Variants in NRCAM observed in about 807,000 individuals in gnomAD.
NRCAM encodes the protein neuronal cell adhesion molecule, also known as NgCAM-related cell adhesion molecule.
Under a neutral mutation model 156.5 loss-of-function variants are expected in NRCAM, and 83 were observed. The observed-to-expected ratio is 0.53, with a 90% CI of 0.44 to 0.64. NRCAM has a LOEUF of 0.64. NRCAM is among the 30% of genes least tolerant of loss of function. The pLI is 0.00. For missense variants in NRCAM, 1,417 were observed against 1,597.3 expected (o/e 0.89, Z 1.92); for synonymous variants, 538 against 563.9 (o/e 0.95, Z 0.65).
chr7:108,278,283 A>AG (rs1294705509), intron 3 of NRCAM, among the ~76,000 whole-genome samples: 1 of 152,224 alleles, frequency 6.6e-6, no homozygotes, highest in Admixed American at 6.5e-5. Flanking sequence ...GCTGTCAGGC[A>AG]GGGACGTTTA....
At chr7:108,199,732 G>T (rs979140767) in intron 13 of NRCAM, among the ~76,000 whole-genome samples, 2 of 152,128 alleles carry the variant, frequency 1.3e-5, no homozygotes, top group Non-Finnish European at 2.9e-5. Flanking sequence ...GATAGTCCAG[G>T]ATAACCTCCC....
At chr7:108,257,442 C>G (rs1255672463) in intron 3 of NRCAM, among the ~76,000 whole-genome samples, 1 of 152,084 alleles carries the variant, frequency 6.6e-6, no homozygotes, top group East Asian at 1.9e-4. Flanking sequence ...AGCCTTTGCC[C>G]CGGGTAAGTG....
intron 1 of NRCAM, among the ~76,000 whole-genome samples, chr7:108,450,903 T>A (rs866957823): frequency 6.6e-6 from 1 of 152,162 alleles, no homozygotes; most frequent in East Asian, 1.9e-4. Flanking sequence ...TCAGAATATA[T>A]AGATATTAAT....
intron 23 of NRCAM, among the ~76,000 whole-genome samples, chr7:108,182,351 A>C (rs1586825133): frequency 6.6e-6 from 1 of 151,848 alleles, no homozygotes; most frequent in East Asian, 1.9e-4. Flanking sequence ...AAGATGGAAA[A>C]CACAGTATTC....
At chr7:108,354,799 CAGG>C (rs1453747273) in intron 2 of NRCAM, among the ~76,000 whole-genome samples, 2 of 151,794 alleles carry the variant, frequency 1.3e-5, no homozygotes, top group African/African-American at 4.8e-5. Context: ...GAGGCAGAGG[CAGG>C]AGAATCGCTT....
chr7:108,275,348 G>C (rs1378827067), intron 3 of NRCAM, among the ~76,000 whole-genome samples: 3 of 152,140 alleles, frequency 2.0e-5, no homozygotes, highest in African/African-American at 7.2e-5. Flanking sequence ...GTAGAATTCA[G>C]CTGGGAATCC....
rs1417708551 is a variant in NRCAM at position 108,147,841 on chromosome 7, C to G, written c.*2069G>C. 1 of 152,610 alleles carries G rather than the reference C, an allele frequency of 6.6e-6. No homozygotes were observed. The highest frequency in any genetic ancestry group is 1.5e-5 in the Non-Finnish European group (1 of 68,044). 9.5% of individuals were successfully genotyped at this position (152,610 alleles called of 1,614,324 possible). On this transcript the variant is annotated 3_prime_UTR_variant, in exon 33 of 33. Coordinates refer to ENST00000379028, the MANE Select transcript of NRCAM (RefSeq NM_001037132.4). ...TGCACTATTACAGAAGTGACCCTTTCATGCACAGATAAATTTCGCATCTAC... is the reference window on the plus strand; with the variant it reads ...TGCACTATTACAGAAGTGACCCTTTGATGCACAGATAAATTTCGCATCTAC...
chr7:108,216,546 C>G (rs937020472), intron 11 of NRCAM, among the ~76,000 whole-genome samples: 2 of 152,210 alleles, frequency 1.3e-5, no homozygotes, highest in Non-Finnish European at 2.9e-5. Context: ...CTTTCAGGTA[C>G]ACCAATCAAA....
At chr7:108,366,045 AG>A (rs1485453654) in intron 2 of NRCAM, among the ~76,000 whole-genome samples, 1 of 152,128 alleles carries the variant, frequency 6.6e-6, no homozygotes, top group East Asian at 1.9e-4. Flanking sequence ...GGCTTGAAGG[AG>A]TGGGCTTGTT....
chr7:108,157,067 G>T (rs1248090589), intron 32 of NRCAM, among the ~76,000 whole-genome samples: 2 of 151,970 alleles, frequency 1.3e-5, no homozygotes, highest in Non-Finnish European at 2.9e-5. Flanking sequence ...TTTGCTTGTG[G>T]GATTGTCCTT....
At chr7:108,185,720 A>AAG (rs1362413209) in intron 20 of NRCAM, among the ~76,000 whole-genome samples, 1 of 140,616 alleles carries the variant, frequency 7.1e-6, no homozygotes, top group Non-Finnish European at 1.6e-5. Context: ...TGTCTCAAAA[A>AAG]AGAGAGAGAG....
chr7:108,238,915 T>A (rs758172570), intron 4 of NRCAM, among the ~76,000 whole-genome samples: 2 of 151,824 alleles, frequency 1.3e-5, no homozygotes, highest in Non-Finnish European at 2.9e-5. Context: ...TTGCAACCTC[T>A]ATGGTAATAA....
intron 2 of NRCAM, among the ~76,000 whole-genome samples, chr7:108,353,280 A>AATCCTG (rs2099437198): frequency 6.6e-6 from 1 of 151,890 alleles, no homozygotes; most frequent in African/African-American, 2.4e-5. Flanking sequence ...TTAGAATCCT[A>AATCCTG]AATCCTGTCA....
chr7:108,405,159 GAA>G (rs1264550973), intron 1 of NRCAM, among the ~76,000 whole-genome samples: 2 of 152,204 alleles, frequency 1.3e-5, no homozygotes, highest in African/African-American at 4.8e-5. Flanking sequence ...AAAGCAGAGA[GAA>G]GAGACTGTTG....
chr7:108,239,093 C>T (rs17155304), intron 4 of NRCAM, among the ~76,000 whole-genome samples: 5,130 of 152,104 alleles, frequency 0.034, 284 homozygotes, highest in African/African-American at 0.12. Context: ...AAGGAGAAAT[C>T]GATTCTGAAG....
intron 1 of NRCAM, among the ~76,000 whole-genome samples, chr7:108,413,722 TTATC>T (rs1173485653): frequency 6.6e-6 from 1 of 152,208 alleles, no homozygotes; most frequent in Admixed American, 6.5e-5. Flanking sequence ...CAATAAATAT[TTATC>T]AAACATTTAT....
At chr7:108,416,301 T>C (rs1428634290) in intron 1 of NRCAM, among the ~76,000 whole-genome samples, 1 of 152,248 alleles carries the variant, frequency 6.6e-6, no homozygotes, top group East Asian at 1.9e-4. Context: ...ATAGTGTCTA[T>C]TTTAATCAGC....
chr7:108,206,080 C>G (rs1202873047), intron 13 of NRCAM, among the ~76,000 whole-genome samples: 1 of 152,206 alleles, frequency 6.6e-6, no homozygotes, highest in African/African-American at 2.4e-5. Flanking sequence ...TGTTTTCTCC[C>G]AGGAATACAC....
At chr7:108,170,471 T>C (rs548768418) in intron 28 of NRCAM, among the ~76,000 whole-genome samples, 18 of 152,316 alleles carry the variant, frequency 1.2e-4, no homozygotes, top group Admixed American at 6.5e-4. Context: ...GCGTATCTGA[T>C]TGCCTCCTTC....
Sources: gnomAD v4.1 joint callset for allele counts (sites outside exome capture counted in the v4.1 genomes callset) on GRCh38, gnomAD v4.1.1 for gene constraint, MANE v1.5 for transcripts, NCBI Gene and HGNC (gene_info 2026-07-23, HGNC 2026-07-21) for gene names.